Variants in KLHDC4 observed in about 807,000 individuals in gnomAD.
The protein encoded by KLHDC4 is kelch domain-containing protein 4.
A neutral mutation model predicts 62.4 loss-of-function variants in KLHDC4; 90 were observed. That is an observed-to-expected ratio of 1.44 (90% CI 1.22 to 1.72). The LOEUF is 1.72. KLHDC4 is among the 40% of genes most tolerant of loss of function. The pLI is 0.00. For missense variants in KLHDC4, 1,025 were observed against 699.7 expected (o/e 1.47, Z -5.25); for synonymous variants, 386 against 284.4 (o/e 1.36, Z -3.59).
At chr16:87,698,474 A>G (rs1046390866) in exon 1 of KLHDC4, 10 of 152,292 alleles carry the variant, frequency 6.6e-5, no homozygotes, top group Non-Finnish European at 1.2e-4. Context: ...TGTGAGCAGG[A>G]AACACATTCA....
chr16:87,743,347 C>A (rs1303627675), intron 5 of KLHDC4, among the ~76,000 whole-genome samples: 1 of 152,160 alleles, frequency 6.6e-6, no homozygotes, highest in African/African-American at 2.4e-5. Flanking sequence ...CTCCCACCTC[C>A]GTTTCCTAAA....
At chr16:87,709,731 GC>G in intron 9 of KLHDC4, 64 bp from the exon 10 acceptor site, 1 of 1,469,264 alleles carries the variant, frequency 6.8e-7, no homozygotes, top group Non-Finnish European at 9.1e-7. Context: ...TTCCTGCTAT[GC>G]CCACAAGGCC....
chr16:87,765,719 G>T (rs1303374683), intron 1 of KLHDC4, 73 bp downstream of exon 1: 1 of 1,408,158 alleles, frequency 7.1e-7, no homozygotes, highest in Non-Finnish European at 9.6e-7. Flanking sequence ...CCGTAACCCC[G>T]GGGGGCGCAG....
intron 11 of KLHDC4, 125 bp downstream of exon 11, chr16:87,708,225 T>C: frequency 1.5e-6 from 1 of 673,432 alleles, no homozygotes; most frequent in South Asian, 1.9e-5. Flanking sequence ...GCTGCCCAAA[T>C]TACTCCACAC....
intron 4 of KLHDC4, among the ~76,000 whole-genome samples, chr16:87,753,827 G>C (rs537395871): frequency 1.1e-4 from 17 of 150,126 alleles, no homozygotes; most frequent in African/African-American, 3.7e-4. Flanking sequence ...AAAAAAATTA[G>C]CCAAGCGTGG....
rs765517615 is a variant in KLHDC4 at position 87,709,551 on chromosome 16, C to A, written c.1161G>T (p.Glu387Asp). The change falls in exon 10 of 12, where the codon GAG becomes GAT. Residue 387 changes from glutamate (E) to aspartate (D), a missense_variant. By Grantham distance (45) the Glu-to-Asp change is conservative. Transcript: ENST00000270583. Reference protein sequence around the residue: ...GTQGPVQLVKEVVAEDGTVVT... With the variant: ...GTQGPVQLVKDVVAEDGTVVT... Reference sequence around the variant, plus strand: ...CCACGGTGCCATCCTCGGCCACCACCTCCTTGACCAGCTGCACAGGCCCCT... The same window carrying A: ...CCACGGTGCCATCCTCGGCCACCACATCCTTGACCAGCTGCACAGGCCCCT... 3 of 1,612,856 alleles carry A rather than the reference C, an allele frequency of 1.9e-6. No individual in the cohort carries two copies. Among genetic ancestry groups the A allele is most frequent in the Admixed American group, 3.3e-5 (2 of 59,976 alleles).
At chr16:87,718,087 C>T (rs576796024) in intron 7 of KLHDC4, among the ~76,000 whole-genome samples, 10 of 152,140 alleles carry the variant, frequency 6.6e-5, no homozygotes, top group Non-Finnish European at 1.5e-4. Context: ...GCTTCTAACT[C>T]CTCCTTCTAC....
chr16:87,752,396 C>T (rs987870032), intron 4 of KLHDC4, among the ~76,000 whole-genome samples: 1 of 147,186 alleles, frequency 6.8e-6, no homozygotes, highest in Non-Finnish European at 1.5e-5. Context: ...AGTGCAGTGG[C>T]GTGATCTTGG....
chr16:87,721,049 G>C (rs562127518), intron 7 of KLHDC4, among the ~76,000 whole-genome samples: 16 of 152,218 alleles, frequency 1.1e-4, no homozygotes, highest in African/African-American at 3.9e-4. Flanking sequence ...AACGGCCAAC[G>C]GCCACTCAAC....
intron 5 of KLHDC4, among the ~76,000 whole-genome samples, chr16:87,735,319 A>G (rs1378183145): frequency 6.6e-6 from 1 of 151,720 alleles, no homozygotes; most frequent in Non-Finnish European, 1.5e-5. Context: ...AAAAAGAAAA[A>G]AAAAAAACTA....
chr16:87,763,542 T>G (rs1449098169), intron 1 of KLHDC4: 1 of 152,110 alleles, frequency 6.6e-6, no homozygotes, highest in Non-Finnish European at 1.5e-5. Flanking sequence ...GAGGCAGAGG[T>G]TGCAATGAGC....
chr16:87,756,976 G>C (rs2143342974), intron 2 of KLHDC4, among the ~76,000 whole-genome samples: 1 of 151,860 alleles, frequency 6.6e-6, no homozygotes, highest in African/African-American at 2.4e-5. Context: ...ACCACACCCA[G>C]CTAGTTTTTG....
intron 5 of KLHDC4, among the ~76,000 whole-genome samples, chr16:87,737,798 T>G (rs1265181004): frequency 1.3e-5 from 2 of 151,934 alleles, no homozygotes; most frequent in African/African-American, 4.8e-5. Context: ...ACCATGTTGG[T>G]CAAGATGGTC....
Position 87,756,465 on chromosome 16 carries a change from G to A in KLHDC4, c.204C>T (p.Ser68=). Residue 68 remains serine (S), a synonymous_variant, in exon 3 of 12, where the codon TCC becomes TCT. Transcript: ENST00000270583. The part of the protein sequence containing the change: ...CPPPSPRLNA[S]LSVHPEKDEL... ...CATCTTTCTCAGGATGAACCGAGAG[G>A]GAGGCATTTAACCTACAAGACACAC... 2.5e-6 allele frequency: 4 copies of A among 1,613,716 alleles called. No homozygotes were observed. The highest frequency in any genetic ancestry group is 1.3e-5 in the African/African-American group (1 of 74,982).
chr16:87,751,883 C>A (rs1404065912), intron 4 of KLHDC4, among the ~76,000 whole-genome samples: 2 of 149,398 alleles, frequency 1.3e-5, no homozygotes, highest in African/African-American at 4.9e-5. Flanking sequence ...ACCATCCTGG[C>A]TAACATGGTG....
Position 87,762,045 on chromosome 16 carries a change from G to C in KLHDC4, c.100-5C>G, listed in dbSNP as rs1012479302. On this transcript the variant is annotated splice_polypyrimidine_tract_variant and splice_region_variant and intron_variant, in intron 1 of 11. Transcript: ENST00000270583. The stretch of plus-strand genomic sequence containing the variant: ...TATGAGCGCTTCCAGGTCTTCCTAG[G>C]GCAAGCAAGCAGGCACACGTGAGAC... The C allele has an allele frequency of 6.2e-7, 1 of 1,613,084 alleles. No homozygotes were observed. Among genetic ancestry groups the C allele is most frequent in the East Asian group, 2.2e-5 (1 of 44,818 alleles).
At position 87,709,281 on chromosome 16, in the gene KLHDC4, C is replaced by G. The variant is rs2035294156; in HGVS notation, c.1431G>C (p.Leu477Phe). The stretch of plus-strand genomic sequence containing the variant: ...CTGGCTCACCTGGGTCCATCTCCAC[C>G]AAGGCCTTCCACGCCTCCATCCTGT... ...DLHRMEAWKA[L>F]VEMDPETQEW... Residue 477 changes from leucine to phenylalanine, a missense_variant, in exon 10 of 12, where the codon TTG (leucine) becomes TTC (phenylalanine). Transcript: ENST00000270583. The G allele has an allele frequency of 1.2e-6, 2 of 1,611,158 alleles. No homozygotes were observed. Among genetic ancestry groups the G allele is most frequent in the African/African-American group, 1.3e-5 (1 of 74,920 alleles).
chr16:87,747,839 G>A (rs748602004), intron 5 of KLHDC4: 8 of 152,296 alleles, frequency 5.3e-5, no homozygotes, highest in Admixed American at 4.6e-4. Flanking sequence ...CGGGCTCCAG[G>A]GAGCGCCGCT....
chr16:87,718,053 G>A (rs899542725), intron 7 of KLHDC4, among the ~76,000 whole-genome samples: 1 of 152,086 alleles, frequency 6.6e-6, no homozygotes, highest in Non-Finnish European at 1.5e-5. Flanking sequence ...CTCTAACAGG[G>A]CCCATGGTTC....
Sources: gnomAD v4.1 joint callset for allele counts (sites outside exome capture counted in the v4.1 genomes callset) on GRCh38, gnomAD v4.1.1 for gene constraint, MANE v1.5 for transcripts, NCBI Gene and HGNC (gene_info 2026-07-23, HGNC 2026-07-21) for gene names.